SRPRB: variants seen among roughly 807,000 people sequenced by gnomAD.
The protein encoded by SRPRB is signal recognition particle receptor subunit beta.
Under a neutral mutation model 31.9 loss-of-function variants are expected in SRPRB, and 20 were observed. The ratio of observed to expected loss-of-function variants is 0.63; its 90% CI spans 0.44 to 0.91. The LOEUF (loss-of-function observed/expected upper bound fraction) is 0.91. Among genes scored for constraint, SRPRB ranks in the 40% least tolerant of loss-of-function variants. SRPRB has a pLI of 0.00. For synonymous variants in SRPRB, 146 were observed against 132.8 expected (o/e 1.10, Z -0.68); for missense variants, 321 against 324.9 (o/e 0.99, Z 0.09).
At chr3:133,802,196 G>A (rs975298004), upstream of SRPRB, among the ~76,000 whole-genome samples, 2 of 152,262 alleles carry the variant, frequency 1.3e-5, no homozygotes, top group Admixed American at 1.3e-4. Flanking sequence ...CTTGAGCCCA[G>A]GAGCTCAAGA....
At chr3:133,805,552 CATTCAT>C, upstream of SRPRB, 1 of 286,836 alleles carries the variant, frequency 3.5e-6, no homozygotes, top group Non-Finnish European at 6.5e-6. Flanking sequence ...GGGAGCCATT[CATTCAT>C]TTTATTCATT....
chr3:133,819,519 T>G, intron 6 of SRPRB, 34 bp from the exon 7 acceptor site: 1 of 1,594,244 alleles, frequency 6.3e-7, no homozygotes, highest in Non-Finnish European at 8.6e-7. Context: ...GTATAAAAAT[T>G]TTGCCTCCTG....
At chr3:133,808,272 G>A (rs1935198425) in intron 3 of SRPRB, among the ~76,000 whole-genome samples, 1 of 151,086 alleles carries the variant, frequency 6.6e-6, no homozygotes. Flanking sequence ...TTTGTATGTA[G>A]TCTTCCGGAT....
chr3:133,807,630 C>A, intron 2 of SRPRB, 116 bp from the exon 3 acceptor site: 1 of 693,206 alleles, frequency 1.4e-6, no homozygotes, highest in Non-Finnish European at 2.5e-6. Context: ...TCTTTTTCAC[C>A]TGTCGGAAGC....
chr3:133,807,649 T>C, intron 2 of SRPRB, 97 bp from the exon 3 acceptor site: 2 of 809,682 alleles, frequency 2.5e-6, no homozygotes, highest in Non-Finnish European at 4.1e-6. Context: ...GCAGCATTCA[T>C]TTACTTAACC....
chr3:133,811,007 T>C, intron 3 of SRPRB, 110 bp from the exon 4 acceptor site: 1 of 993,378 alleles, frequency 1.0e-6, no homozygotes, highest in South Asian at 1.8e-5. Context: ...TTTGTGAACA[T>C]TTGTTTGGTT....
chr3:133,789,861 C>T (rs1484809629), intron 1 of SRPRB: 1 of 114,778 alleles, frequency 8.7e-6, no homozygotes, highest in Non-Finnish European at 1.7e-5. Flanking sequence ...CCAGCCAAAA[C>T]AAAACGATCT....
chr3:133,823,757 T>G (rs1935510953), downstream of SRPRB, among the ~76,000 whole-genome samples: 1 of 152,126 alleles, frequency 6.6e-6, no homozygotes, highest in Admixed American at 6.6e-5. Context: ...TGGTGTGGTG[T>G]GGGGCTGGGG....
At chr3:133,794,050 C>T (rs1220854484) in intron 1 of SRPRB, 2 of 152,130 alleles carry the variant, frequency 1.3e-5, no homozygotes, top group East Asian at 3.8e-4. Flanking sequence ...ATCAAATTAC[C>T]TATGATAACC....
At chr3:133,824,986 A>C (rs528972080), downstream of SRPRB, 1 of 152,238 alleles carries the variant, frequency 6.6e-6, no homozygotes, top group African/African-American at 2.4e-5. Flanking sequence ...AGACAGGAAA[A>C]GTTGTGACAG....
At chr3:133,823,813 C>CT (rs1412825132), downstream of SRPRB, among the ~76,000 whole-genome samples, 7 of 152,244 alleles carry the variant, frequency 4.6e-5, no homozygotes, top group South Asian at 1.5e-3. Flanking sequence ...TATAGTTCAC[C>CT]TTAAGTTCTT....
chr3:133,822,841 C>G (rs1363157194), downstream of SRPRB, among the ~76,000 whole-genome samples: 1 of 152,220 alleles, frequency 6.6e-6, no homozygotes, highest in Non-Finnish European at 1.5e-5. Flanking sequence ...TGATCACCCA[C>G]CTACCTTCAT....
chr3:133,813,804 A>G (rs558514664), intron 4 of SRPRB, among the ~76,000 whole-genome samples: 19 of 152,362 alleles, frequency 1.2e-4, no homozygotes, highest in African/African-American at 4.3e-4. Context: ...ATCCCGTAGG[A>G]TATGAAAGCC....
At chr3:133,822,645 C>T (rs547837152), downstream of SRPRB, among the ~76,000 whole-genome samples, 118 of 152,294 alleles carry the variant, frequency 7.7e-4, no homozygotes, top group African/African-American at 2.6e-3. Context: ...TTGTATGAAG[C>T]GCTGGCCATG....
intron 4 of SRPRB, among the ~76,000 whole-genome samples, chr3:133,811,582 T>A (rs944923710): frequency 1.5e-5 from 2 of 129,978 alleles, no homozygotes; most frequent in Non-Finnish European, 3.4e-5. Flanking sequence ...TATATAGTGT[T>A]TTTTTGTTTT....
intron 4 of SRPRB, among the ~76,000 whole-genome samples, chr3:133,814,885 A>G (rs1235434157): frequency 3.9e-5 from 6 of 152,170 alleles, no homozygotes; most frequent in African/African-American, 1.4e-4. Flanking sequence ...GCGCCCTCTA[A>G]GATTGCTTTG....
chr3:133,796,518 C>G (rs2107960386), intron 1 of SRPRB: 1 of 152,346 alleles, frequency 6.6e-6, no homozygotes. Flanking sequence ...CAATGGAAAC[C>G]TCTAGAGGGT....
At chr3:133,808,032 T>C (rs1935194427) in intron 3 of SRPRB, among the ~76,000 whole-genome samples, 1 of 152,240 alleles carries the variant, frequency 6.6e-6, no homozygotes, top group South Asian at 2.1e-4. Flanking sequence ...TACCTTAATG[T>C]ACAGTAATGT....
At chr3:133,828,226 CTGA>C, downstream of SRPRB, 1 of 543,980 alleles carries the variant, frequency 1.8e-6, no homozygotes, top group Non-Finnish European at 3.3e-6. Flanking sequence ...TTTTCAGAGG[CTGA>C]TGTGTTCAAC....
Sources: gnomAD v4.1 joint callset for allele counts (sites outside exome capture counted in the v4.1 genomes callset) on GRCh38, gnomAD v4.1.1 for gene constraint, MANE v1.5 for transcripts, NCBI Gene and HGNC (gene_info 2026-07-23, HGNC 2026-07-21) for gene names.